Variants in PTPRT observed in about 807,000 individuals in gnomAD.
PTPRT encodes receptor-type tyrosine-protein phosphatase T.
PTPRT carries 56 observed loss-of-function variants against 176.8 expected under a neutral mutation model. The ratio of observed to expected loss-of-function variants is 0.32; its 90% CI spans 0.26 to 0.40. PTPRT has a LOEUF of 0.40. PTPRT is among the 10% of genes least tolerant of loss of function. The pLI is 1.00. For synonymous variants in PTPRT, 783 were observed against 739.0 expected (o/e 1.06, Z -0.96); for missense variants, 1,540 against 1,908.2 (o/e 0.81, Z 3.60).
At chr20:42,853,347 T>C (rs1334521028) in intron 2 of PTPRT, among the ~76,000 whole-genome samples, 1 of 152,166 alleles carries the variant, frequency 6.6e-6, no homozygotes, top group Non-Finnish European at 1.5e-5. Flanking sequence ...TCCCCCAGTA[T>C]GCTGTCTGCA....
chr20:42,435,581 T>C lies in PTPRT; in HGVS notation c.1560+12639A>G, dbSNP rs191468082. Among the ~76,000 whole-genome samples the C allele has an allele frequency of 2.2e-3, 332 of 152,276 alleles. 2 individuals are homozygous for C. Among genetic ancestry groups the C allele is most frequent in the African/African-American group, 7.7e-3 (318 of 41,546 alleles). On this transcript the variant is annotated intron_variant, in intron 9 of 30. Coordinates refer to ENST00000373187, the MANE Select transcript of PTPRT (RefSeq NM_007050.6). ...ATGGGAGGTGCAAGTCTTTCAGACC[T>C]AAGGTAGCAGTTTGGATTTTATGTG...
intron 16 of PTPRT, among the ~76,000 whole-genome samples, chr20:42,177,234 A>G (rs1434638962): frequency 6.6e-6 from 1 of 152,168 alleles, no homozygotes; most frequent in Non-Finnish European, 1.5e-5. Flanking sequence ...GATGCTGATG[A>G]TGCTGGTCCA....
chr20:42,051,442 T>G, the PTPRT span, among the ~76,000 whole-genome samples: 1 of 152,206 alleles, frequency 6.6e-6, no homozygotes, highest in Admixed American at 6.5e-5. Context: ...GAGAGTTCGC[T>G]CCTGCTTTGT....
chr20:42,430,704 A>C (rs78933502), intron 9 of PTPRT, among the ~76,000 whole-genome samples: 47 of 152,282 alleles, frequency 3.1e-4, no homozygotes, highest in African/African-American at 1.1e-3. Context: ...TGAAGGGCAA[A>C]GGGGAAAGGG....
chr20:42,496,019 A>G (rs2071647293), intron 7 of PTPRT, among the ~76,000 whole-genome samples: 1 of 152,210 alleles, frequency 6.6e-6, no homozygotes, highest in Admixed American at 6.5e-5. Context: ...TATGTATTAT[A>G]CATTGTATTC....
At chr20:42,686,413 C>T (rs2075691935) in intron 6 of PTPRT, 1 of 137,852 alleles carries the variant, frequency 7.3e-6, no homozygotes, top group South Asian at 2.5e-4. Context: ...CTGGGTGGGA[C>T]TGAGCACCAG....
intron 8 of PTPRT, among the ~76,000 whole-genome samples, chr20:42,460,903 G>T (rs1452818401): frequency 1.3e-5 from 2 of 152,190 alleles, no homozygotes; most frequent in Non-Finnish European, 2.9e-5. Context: ...AATACACGCT[G>T]TTTAAAAGGA....
At chr20:42,045,067 G>A in the PTPRT span, among the ~76,000 whole-genome samples, 1 of 152,088 alleles carries the variant, frequency 6.6e-6, no homozygotes, top group Admixed American at 6.5e-5. Context: ...ACTATGTTAG[G>A]TCTACCTGGA....
intron 9 of PTPRT, among the ~76,000 whole-genome samples, chr20:42,373,244 T>C (rs1287569582): frequency 6.6e-6 from 1 of 152,202 alleles, no homozygotes; most frequent in African/African-American, 2.4e-5. Flanking sequence ...GTCATGGAAC[T>C]AATGGTATGC....
rs2145525846 is a variant in PTPRT at position 42,352,282 on chromosome 20, T to C, written c.1564A>G (p.Asn522Asp). 6.2e-7 allele frequency: 1 copy of C among 1,614,122 alleles called. No homozygotes were observed. The highest frequency in any genetic ancestry group is 8.5e-7 in the Non-Finnish European group (1 of 1,180,006). The change falls in exon 10 of 31, where the codon AAC becomes GAC. Residue 522 changes from asparagine to aspartate, a missense_variant. By Grantham distance (23) the Asn-to-Asp change is conservative. Transcript: ENST00000373187. ...TNGVITLYEI[N>D]YKAVGSLDPS... ...TCCAGCGAGCCGACAGCCTTGTAGT[T>C]GATCTGTAGGACAAGCCAGCAAACA...
chr20:42,751,004 G>A (rs752468830), intron 6 of PTPRT, among the ~76,000 whole-genome samples: 18 of 152,076 alleles, frequency 1.2e-4, no homozygotes, highest in African/African-American at 3.4e-4. Context: ...CTTTCATTTC[G>A]GTCTGTGTGT....
At chr20:42,385,701 G>C (rs2058737886) in intron 9 of PTPRT, among the ~76,000 whole-genome samples, 1 of 152,272 alleles carries the variant, frequency 6.6e-6, no homozygotes, top group Non-Finnish European at 1.5e-5. Flanking sequence ...AAGGCAAGGA[G>C]GAGCAAAGTC....
the PTPRT span, among the ~76,000 whole-genome samples, chr20:42,060,596 C>T: frequency 6.6e-6 from 1 of 152,172 alleles, no homozygotes; most frequent in Non-Finnish European, 1.5e-5. Flanking sequence ...AGAGGAGTTC[C>T]CCTGCACAAG....
At chr20:43,054,488 A>G (rs550468286) in intron 1 of PTPRT, among the ~76,000 whole-genome samples, 2 of 151,744 alleles carry the variant, frequency 1.3e-5, no homozygotes, top group African/African-American at 4.8e-5. Context: ...CAGAACGTCA[A>G]GGCGGCAGTG....
In PTPRT at chr20:42,349,004, T is replaced by A. The variant is rs1193395243; in HGVS notation, c.1865+1624A>T. 2.6e-5 allele frequency among the ~76,000 whole-genome samples: 4 copies of A among 152,204 alleles called. No homozygotes were observed. The East Asian group carries it at 7.7e-4, about 29-fold the overall frequency. ...AGACTTCTCTGACTTAGGGGGAGCA[T>A]TGTCCAAAGACTTCAGACTACATAG... is the stretch of plus-strand genomic sequence containing the variant. On this transcript the variant is annotated intron_variant, in intron 11 of 30. Transcript: ENST00000373187.
chr20:43,000,897 G>A (rs1984522731), intron 1 of PTPRT, among the ~76,000 whole-genome samples: 1 of 152,140 alleles, frequency 6.6e-6, no homozygotes, highest in Non-Finnish European at 1.5e-5. Context: ...CAACCAATAT[G>A]GAGAAACATC....
intron 9 of PTPRT, among the ~76,000 whole-genome samples, chr20:42,412,448 G>A (rs1317318930): frequency 6.6e-6 from 1 of 152,194 alleles, no homozygotes. Flanking sequence ...AAATGACTGG[G>A]ACTCTTCGAT....
intron 1 of PTPRT, among the ~76,000 whole-genome samples, chr20:42,932,678 A>T (rs1241038900): frequency 6.6e-6 from 1 of 152,224 alleles, no homozygotes; most frequent in Non-Finnish European, 1.5e-5. Flanking sequence ...AAACCACGAC[A>T]GCTGGTCACC....
chr20:43,065,965 T>G (rs12480375), intron 1 of PTPRT, among the ~76,000 whole-genome samples: 14,202 of 152,214 alleles, frequency 0.093, 749 homozygotes, highest in Middle Eastern at 0.14. Context: ...TGTCCCTGAC[T>G]CTATCACTCC....
Sources: allele counts gnomAD v4.1 joint callset (sites outside exome capture counted in the v4.1 genomes callset), GRCh38; gene constraint gnomAD v4.1.1; transcripts MANE v1.5; gene names NCBI Gene and HGNC (gene_info 2026-07-23, HGNC 2026-07-21).